The following PKHD1L1 variants were observed in gnomAD, a reference collection of about 807,000 sequenced individuals.
PKHD1L1 encodes fibrocystin-L.
PKHD1L1 carries 434 observed loss-of-function variants against 462.9 expected under a neutral mutation model. The observed-to-expected ratio is 0.94, with a 90% CI of 0.87 to 1.02. The LOEUF is 1.02. PKHD1L1 is among the 50% of genes least tolerant of loss of function. PKHD1L1 has a pLI of 0.00. For missense variants in PKHD1L1, 5,202 were observed against 5,096.1 expected (o/e 1.02, Z -0.63); for synonymous variants, 1,781 against 1,750.0 (o/e 1.02, Z -0.44).
chr8:109,390,432 G>T lies in PKHD1L1; in HGVS notation c.698-20G>T. On this transcript the variant is annotated intron_variant, in intron 8 of 77. Transcript: ENST00000378402. ...TGTGACTGGGAATTTAATTGATTGT[G>T]TATTTTCATTAAATTCCAGGTCATC... The T allele has an allele frequency of 7.4e-7, 1 of 1,359,290 alleles. No homozygotes were observed. The highest frequency in any genetic ancestry group is 2.5e-5 in the Admixed American group (1 of 40,732). 84.2% of individuals were successfully genotyped at this position (1,359,290 alleles called of 1,614,324 possible).
At position 109,445,512 on chromosome 8, in the gene PKHD1L1, C is replaced by T. The variant is rs1379238825; in HGVS notation, c.5643C>T (p.Tyr1881=). The change falls in exon 38 of 78, where the codon TAC becomes TAT. Residue 1881 remains tyrosine, a synonymous_variant. Coordinates refer to ENST00000378402, the MANE Select transcript of PKHD1L1 (RefSeq NM_177531.6). ...QIISINPNEV[Y]CRTPAGTTGM... The stretch of plus-strand genomic sequence containing the variant: ...TTTCCATCAACCCCAATGAAGTCTA[C>T]TGCCGCACTCCCGCTGGGACCACTG... 6.2e-7 allele frequency: 1 copy of T among 1,613,716 alleles called. No homozygotes were observed. The highest frequency in any genetic ancestry group is 8.5e-7 in the Non-Finnish European group (1 of 1,179,798).
chr8:109,406,539 A>T (rs1463860895), intron 17 of PKHD1L1, 61 bp downstream of exon 17: 1 of 1,452,102 alleles, frequency 6.9e-7, no homozygotes, highest in South Asian at 1.5e-5. Flanking sequence ...GTGCCACTCT[A>T]AAAGTTCCAT....
rs575871801 is a variant in PKHD1L1, at chr8:109,476,802, A to C, written c.8917+135A>C. 1,689 of 761,376 alleles carry C rather than the reference A, an allele frequency of 2.2e-3. 31 individuals are homozygous for C. The South Asian group carries it at 0.032, about 14-fold the overall frequency. 47.2% of individuals were successfully genotyped at this position (761,376 alleles called of 1,614,324 possible). A position where few individuals can be genotyped will look rare whatever the true frequency, so the allele number is the denominator to read the frequency against. ...CAATAAATGTTTGCTGAATGGAAAAACTGGAGACAAAATTTATTCTTGAAA... is the reference window on the plus strand; with the variant it reads ...CAATAAATGTTTGCTGAATGGAAAACCTGGAGACAAAATTTATTCTTGAAA... On this transcript the variant is annotated intron_variant, in intron 52 of 77. Transcript: ENST00000378402.
chr8:109,513,638 A>T (rs1436437744), intron 71 of PKHD1L1, among the ~76,000 whole-genome samples: 1 of 152,082 alleles, frequency 6.6e-6, no homozygotes, highest in Admixed American at 6.5e-5. Context: ...GATAAGGTGA[A>T]GCAGAGAAAG....
chr8:109,485,689 C>A (rs1563597907), intron 58 of PKHD1L1, among the ~76,000 whole-genome samples: 1 of 151,838 alleles, frequency 6.6e-6, no homozygotes, highest in Non-Finnish European at 1.5e-5. Context: ...TACCTTCATC[C>A]AAATCTCAGG....
In PKHD1L1 at chr8:109,434,098, G is replaced by A. The variant is rs148373010; in HGVS notation, c.3340+882G>A. Among the ~76,000 whole-genome samples, 1,473 of 152,186 alleles carry A rather than the reference G, an allele frequency of 9.7e-3. 20 individuals carry two copies. Among genetic ancestry groups the A allele is most frequent in the African/African-American group, 0.033 (1,384 of 41,504 alleles). On this transcript the variant is annotated intron_variant, in intron 28 of 77. Coordinates refer to ENST00000378402, the MANE Select transcript of PKHD1L1 (RefSeq NM_177531.6). The stretch of plus-strand genomic sequence containing the variant: ...GGAACATCACACACCAGGGCCTGTC[G>A]AGGGGTTGGGGGCTAGGGGAGGGAT...
intron 63 of PKHD1L1, among the ~76,000 whole-genome samples, chr8:109,494,486 C>T (rs1174482245): frequency 6.6e-6 from 1 of 151,892 alleles, no homozygotes; most frequent in African/African-American, 2.4e-5. Context: ...CCGAAAGCCA[C>T]TTTGTGTCCC....
intron 21 of PKHD1L1, among the ~76,000 whole-genome samples, chr8:109,414,176 A>G (rs1403197169): frequency 1.3e-5 from 2 of 152,166 alleles, no homozygotes; most frequent in African/African-American, 4.8e-5. Context: ...ACATACAAAA[A>G]TTTCATTTAT....
chr8:109,447,838 C>A (rs1396956246), intron 38 of PKHD1L1, among the ~76,000 whole-genome samples: 1 of 152,204 alleles, frequency 6.6e-6, no homozygotes, highest in African/African-American at 2.4e-5. Context: ...TAACTCTAGA[C>A]CTGCTCTTTC....
chr8:109,420,384 G>A (rs753443137), intron 22 of PKHD1L1, 134 bp from the exon 23 acceptor site: 4 of 533,514 alleles, frequency 7.5e-6, no homozygotes, highest in Non-Finnish European at 1.3e-5. Context: ...TCATGACAAT[G>A]TTGATATTAT....
chr8:109,445,890 C>A (rs996949149), intron 38 of PKHD1L1, among the ~76,000 whole-genome samples: 2 of 152,048 alleles, frequency 1.3e-5, no homozygotes, highest in East Asian at 1.9e-4. Flanking sequence ...ATTAACCTGA[C>A]CTAAATTTCA....
intron 67 of PKHD1L1, among the ~76,000 whole-genome samples, chr8:109,503,287 A>G (rs1819522762): frequency 7.0e-6 from 1 of 142,674 alleles, no homozygotes; most frequent in South Asian, 2.4e-4. Flanking sequence ...CTCAAAAAAC[A>G]AAAAACAAAA....
At position 109,475,161 on chromosome 8, in the gene PKHD1L1, G is replaced by T. The variant is rs765243222; in HGVS notation, c.8649G>T (p.Met2883Ile). 16 of 1,612,526 alleles carry T rather than the reference G, an allele frequency of 9.9e-6. No homozygotes were observed. The highest frequency in any genetic ancestry group is 1.3e-5 in the Non-Finnish European group (15 of 1,179,238). The change falls in exon 51 of 78, where the codon ATG becomes ATT. Residue 2883 changes from methionine to isoleucine, a missense_variant. Physicochemically the swap from Met to Ile is conservative, Grantham distance 10 (BLOSUM62 1). Around this residue, in one of 3 missense-constraint regions of PKHD1L1, gnomAD observed 4,497 missense variants for 4,336.8 expected, o/e 1.04. Coordinates refer to ENST00000378402, the MANE Select transcript of PKHD1L1 (RefSeq NM_177531.6). ...IPFQKKRLTHMSGWMALIPNA... is the reference protein window; with the variant it reads ...IPFQKKRLTHISGWMALIPNA... Reference sequence around the variant, plus strand: ...TTCAGAAGAAACGACTGACTCATATGTCTGGATGGATGGCTCTGATTCCAA... The same window carrying T: ...TTCAGAAGAAACGACTGACTCATATTTCTGGATGGATGGCTCTGATTCCAA...
At chr8:109,412,235 T>C in intron 19 of PKHD1L1, 30 bp from the exon 20 acceptor site, 3 of 1,608,658 alleles carry the variant, frequency 1.9e-6, no homozygotes, top group Non-Finnish European at 2.6e-6. Flanking sequence ...ATAAATCATG[T>C]TTTCATTTGA....
intron 9 of PKHD1L1, among the ~76,000 whole-genome samples, chr8:109,393,902 C>A (rs766316921): frequency 6.6e-6 from 1 of 152,008 alleles, no homozygotes; most frequent in East Asian, 1.9e-4. Context: ...TAGGGCCGGG[C>A]GCGGTGGCTC....
rs940198908 is a variant in PKHD1L1, at chr8:109,404,543, C to T, written c.1374-11C>T. 3 of 1,489,738 alleles carry T rather than the reference C, an allele frequency of 2.0e-6. No individual in the cohort carries two copies. The highest frequency in any genetic ancestry group is 2.7e-6 in the Non-Finnish European group (3 of 1,111,580). 92.3% of individuals were successfully genotyped at this position (1,489,738 alleles called of 1,614,324 possible). A position where few individuals can be genotyped will look rare whatever the true frequency, so the allele number is the denominator to read the frequency against. ...AAAAAAGTTATATTCATTAGTTACT[C>T]TATTTTCCAGATACTATATTGAAAT... On this transcript the variant is annotated splice_polypyrimidine_tract_variant and intron_variant, in intron 14 of 77. Transcript: ENST00000378402.
chr8:109,394,099 G>A (rs941734438), intron 9 of PKHD1L1, among the ~76,000 whole-genome samples: 31 of 148,804 alleles, frequency 2.1e-4, no homozygotes, highest in African/African-American at 7.5e-4. Flanking sequence ...CCTCGAACCC[G>A]GGAGGCAAAG....
rs375324901 is a variant in PKHD1L1, at chr8:109,475,217, G to A, written c.8705G>A (p.Gly2902Asp). 3.1e-4 allele frequency: 502 copies of A among 1,611,988 alleles called. 6 individuals are homozygous for A. The South Asian group carries it at 5.1e-3, about 16-fold the overall frequency. ...NANHINWYFK[G>D]VDHITNISYT... is the part of the protein sequence containing the mutation. ...AATCACATTAACTGGTATTTTAAAGGTGTGGATCACATAACCAACATTTCA... is the reference window on the plus strand; with the variant it reads ...AATCACATTAACTGGTATTTTAAAGATGTGGATCACATAACCAACATTTCA... Residue 2902 changes from glycine (G) to aspartate (D), a missense_variant, in exon 51 of 78, where the codon GGT becomes GAT. Transcript: ENST00000378402.
rs1285041708 is a variant in PKHD1L1 at position 109,419,134 on chromosome 8, A to G, written c.2398A>G (p.Arg800Gly). Residue 800 changes from arginine (R) to glycine (G), a missense_variant, in exon 22 of 78, where the codon AGA (arginine) becomes GGA (glycine). Arg to Gly is a moderately radical substitution (Grantham distance 125, BLOSUM62 -2). Transcript: ENST00000378402. ...TTGCATAGACCTTCTGGATCTCGTA[A>G]GAACGAAATACACTGGGACAAATGT... ...YTCIDLLDLV[R>G]TKYTGTNVSL... 6 of 1,613,508 alleles carry G rather than the reference A, an allele frequency of 3.7e-6. No homozygotes were observed. In the East Asian group the frequency reaches 8.9e-5, roughly 24 times the overall value.
Sources: allele counts gnomAD v4.1 joint callset (sites outside exome capture counted in the v4.1 genomes callset), GRCh38; gene constraint gnomAD v4.1.1; regional missense constraint gnomAD v4.1.1; transcripts MANE v1.5; gene names NCBI Gene and HGNC (gene_info 2026-07-23, HGNC 2026-07-21).